NRG1: variants seen among roughly 807,000 people sequenced by gnomAD.
NRG1 encodes the protein neuregulin 1.
A neutral mutation model predicts 63.8 loss-of-function variants in NRG1; 18 were observed. The ratio of observed to expected loss-of-function variants is 0.28; its 90% CI spans 0.19 to 0.42. The LOEUF (loss-of-function observed/expected upper bound fraction) is 0.42. NRG1 is among the 10% of genes least tolerant of loss of function. NRG1 has a pLI of 1.00. For synonymous variants in NRG1, 302 were observed against 301.3 expected (o/e 1.00, Z -0.02); for missense variants, 762 against 814.7 (o/e 0.94, Z 0.79).
At chr8:31,947,968 A>ACC (rs1487813261) in intron 1 of NRG1, among the ~76,000 whole-genome samples, 3 of 148,608 alleles carry the variant, frequency 2.0e-5, no homozygotes, top group African/African-American at 7.7e-5. Context: ...AAAAAAAAAA[A>ACC]AAAACTACTA....
intron 1 of NRG1, among the ~76,000 whole-genome samples, chr8:31,925,583 C>T (rs1429781640): frequency 1.3e-5 from 2 of 151,958 alleles, no homozygotes; most frequent in Non-Finnish European, 2.9e-5. Flanking sequence ...CTCTCCATAG[C>T]TTTTGGGATT....
intron 5 of NRG1, among the ~76,000 whole-genome samples, chr8:32,706,679 A>G (rs968753428): frequency 1.3e-5 from 2 of 152,140 alleles, no homozygotes; most frequent in African/African-American, 4.8e-5. Context: ...TATGACACTG[A>G]GGATACCCAA....
intron 1 of NRG1, among the ~76,000 whole-genome samples, chr8:31,961,101 A>C (rs1227571147): frequency 6.6e-6 from 1 of 152,190 alleles, no homozygotes; most frequent in Non-Finnish European, 1.5e-5. Flanking sequence ...TGTGGACTTA[A>C]ATTAAAAGTA....
At position 31,690,601 on chromosome 8, in the gene NRG1, G is replaced by A. The variant is rs12682594; in HGVS notation, c.37+51170G>A. The stretch of plus-strand genomic sequence containing the variant: ...CCGAGAGAGTGATTTTTCTGGTGTG[G>A]ATCAGGGTGGTAGCAATGAACGCGA... On this transcript the variant is annotated intron_variant, in intron 1 of 10. Transcript: ENST00000519301. Among the ~76,000 whole-genome samples, 437 of 152,268 alleles carry A rather than the reference G, an allele frequency of 2.9e-3. 13 individuals are homozygous for A. The East Asian group carries it at 0.068, about 24-fold the overall frequency.
chr8:31,671,192 G>A (rs1308206341), intron 1 of NRG1, among the ~76,000 whole-genome samples: 2 of 152,012 alleles, frequency 1.3e-5, no homozygotes, highest in Admixed American at 6.6e-5. Context: ...CATAACTTGA[G>A]TTTTGAGAGG....
chr8:32,660,159 A>G (rs10086742), intron 5 of NRG1, among the ~76,000 whole-genome samples: 48,107 of 152,066 alleles, frequency 0.32, 8,013 homozygotes, highest in East Asian at 0.36. Flanking sequence ...CTTTTTGAGC[A>G]TCACCATGAT....
chr8:32,170,981 A>G (rs1044944929), intron 1 of NRG1, among the ~76,000 whole-genome samples: 4 of 152,172 alleles, frequency 2.6e-5, no homozygotes, highest in Non-Finnish European at 4.4e-5. Context: ...GTGTTCCACA[A>G]TGCACACTTT....
intron 1 of NRG1, among the ~76,000 whole-genome samples, chr8:32,008,714 A>G (rs1814220241): frequency 6.6e-6 from 1 of 152,058 alleles, no homozygotes; most frequent in Non-Finnish European, 1.5e-5. Context: ...AATTATCCTT[A>G]GGATAAATTG....
At chr8:32,503,481 A>C (rs1204419321) in intron 1 of NRG1, among the ~76,000 whole-genome samples, 1 of 152,170 alleles carries the variant, frequency 6.6e-6, no homozygotes, top group East Asian at 1.9e-4. Flanking sequence ...TCACTGTACT[A>C]TAAAACAGTT....
chr8:32,023,330 A>C (rs1396355840), intron 1 of NRG1, among the ~76,000 whole-genome samples: 2 of 152,198 alleles, frequency 1.3e-5, no homozygotes, highest in East Asian at 3.9e-4. Flanking sequence ...AAAATACAAA[A>C]AGTGAAAATT....
At position 31,651,500 on chromosome 8, in the gene NRG1, G is replaced by C. The variant is rs997449990; in HGVS notation, c.37+12069G>C. Among the ~76,000 whole-genome samples the C allele has an allele frequency of 1.9e-4, 29 of 152,374 alleles. 1 individual carries two copies. Among genetic ancestry groups the C allele is most frequent in the African/African-American group, 6.7e-4 (28 of 41,594 alleles). On this transcript the variant is annotated intron_variant, in intron 1 of 10. Transcript: ENST00000519301. ...CTGAAATGGATGAGGTCAGCACAGA[G>C]AGTGTGGAGAGCTTGGTTTTCAGGG... is the stretch of plus-strand genomic sequence containing the variant.
At chr8:32,227,389 C>T (rs1345417062) in intron 1 of NRG1, among the ~76,000 whole-genome samples, 1 of 152,006 alleles carries the variant, frequency 6.6e-6, no homozygotes, top group Non-Finnish European at 1.5e-5. Flanking sequence ...CTAAGTAGTA[C>T]AGTATAAGAT....
intron 1 of NRG1, among the ~76,000 whole-genome samples, chr8:32,412,391 C>CTT (rs1563427913): frequency 2.6e-5 from 3 of 116,840 alleles, no homozygotes; most frequent in Non-Finnish European, 5.3e-5. Context: ...CTTTCTTTCT[C>CTT]TCTCTCTCCT....
At chr8:32,068,266 T>C (rs1825196362) in intron 1 of NRG1, among the ~76,000 whole-genome samples, 1 of 152,210 alleles carries the variant, frequency 6.6e-6, no homozygotes, top group Non-Finnish European at 1.5e-5. Flanking sequence ...ACATGAGATA[T>C]TTTATCTTGG....
chr8:32,001,295 A>G (rs1812884649), intron 1 of NRG1, among the ~76,000 whole-genome samples: 1 of 151,976 alleles, frequency 6.6e-6, no homozygotes, highest in African/African-American at 2.4e-5. Context: ...TATTCTAGTG[A>G]TAGTGAATAA....
chr8:32,664,920 A>G (rs1803771656), intron 5 of NRG1, among the ~76,000 whole-genome samples: 2 of 152,184 alleles, frequency 1.3e-5, no homozygotes, highest in African/African-American at 2.4e-5. Flanking sequence ...GATTTATGAC[A>G]GGAAGTGACT....
At chr8:32,160,904 A>G (rs1228945513) in intron 1 of NRG1, among the ~76,000 whole-genome samples, 1 of 152,186 alleles carries the variant, frequency 6.6e-6, no homozygotes, top group Admixed American at 6.5e-5. Context: ...AAAGCCTTTA[A>G]AAAGAAAACT....
chr8:32,762,590 C>T (rs1269529509), intron 11 of NRG1, among the ~76,000 whole-genome samples: 1 of 152,168 alleles, frequency 6.6e-6, no homozygotes, highest in Non-Finnish European at 1.5e-5. Context: ...GTCTGTATCA[C>T]TGTGACTCCG....
At chr8:31,702,380 T>C (rs1253370916) in intron 1 of NRG1, among the ~76,000 whole-genome samples, 1 of 152,168 alleles carries the variant, frequency 6.6e-6, no homozygotes, top group Non-Finnish European at 1.5e-5. Flanking sequence ...TAGACACCTT[T>C]ATGTGGCAAT....
Sources: allele counts gnomAD v4.1 joint callset (sites outside exome capture counted in the v4.1 genomes callset), GRCh38; gene constraint gnomAD v4.1.1; transcripts MANE v1.5; gene names NCBI Gene and HGNC (gene_info 2026-07-23, HGNC 2026-07-21).